Variants in ABCB11 observed in about 807,000 individuals in gnomAD.
The protein encoded by ABCB11 is ATP binding cassette subfamily B member 11.
Under a neutral mutation model 148.0 loss-of-function variants are expected in ABCB11, and 95 were observed. The ratio of observed to expected loss-of-function variants is 0.64; its 90% CI spans 0.54 to 0.76. The LOEUF (loss-of-function observed/expected upper bound fraction) is 0.76, where lower values mean the gene tolerates loss of function less well. ABCB11 is among the 30% of genes least tolerant of loss of function. The pLI is 0.00. For missense variants in ABCB11, 1,523 were observed against 1,617.8 expected, an observed-to-expected ratio of 0.94 and a Z score of 1.01; for synonymous variants, 591 against 555.4, an observed-to-expected ratio of 1.06 and a Z score of -0.90.
intron 1 of ABCB11, 36 bp from the exon 2 acceptor site, chr2:169,018,188 ATCTCT>A: frequency 6.4e-7 from 1 of 1,551,682 alleles, no homozygotes; most frequent in Non-Finnish European, 8.9e-7. Context: ...TGCAATTATT[ATCTCT>A]TCTTTCTTCT....
chr2:168,931,066 C>T (rs150379859), intron 24 of ABCB11, among the ~76,000 whole-genome samples: 18 of 152,234 alleles, frequency 1.2e-4, no homozygotes, highest in African/African-American at 2.6e-4. Context: ...GCTTGGGCAA[C>T]GAAATTAAAG....
At chr2:168,950,732 G>T (rs1692526131) in intron 19 of ABCB11, among the ~76,000 whole-genome samples, 1 of 151,678 alleles carries the variant, frequency 6.6e-6, no homozygotes, top group Non-Finnish European at 1.5e-5. Context: ...TAAGTTGTTT[G>T]TTTACTCTGT....
At position 168,935,214 on chromosome 2, in the gene ABCB11, T is replaced by C. The variant is rs1404420259; in HGVS notation, c.3026A>G (p.Asn1009Ser). 3 of 1,613,906 alleles carry C rather than the reference T, an allele frequency of 1.9e-6. No individual in the cohort carries two copies. The highest frequency in any genetic ancestry group is 1.7e-6 in the Non-Finnish European group (2 of 1,179,876). The part of the protein sequence containing the change: ...SYRYGGYLIS[N>S]EGLHFSYVFR... ...CACATAGCTGAAATGGAGCCCCTCA[T>C]TGGAGATTAAGTAACCTCCATATCT... is the stretch of plus-strand genomic sequence containing the variant. The change falls in exon 23 of 28, where the codon AAT becomes AGT. Residue 1009 changes from asparagine (N) to serine (S), a missense_variant. Coordinates refer to ENST00000650372, the MANE Select transcript of ABCB11 (RefSeq NM_003742.4).
intron 19 of ABCB11, among the ~76,000 whole-genome samples, chr2:168,950,331 C>T (rs562800859): frequency 1.3e-4 from 20 of 151,620 alleles, no homozygotes; most frequent in African/African-American, 4.8e-4. Context: ...AATGGTAGTT[C>T]CATATTTAGT....
chr2:168,956,703 A>G (rs924190010), intron 19 of ABCB11, among the ~76,000 whole-genome samples: 1 of 151,500 alleles, frequency 6.6e-6, no homozygotes, highest in Non-Finnish European at 1.5e-5. Context: ...TAGGCCCTCA[A>G]AATGATGCCT....
At chr2:168,999,112 C>T (rs560886404) in intron 5 of ABCB11, among the ~76,000 whole-genome samples, 30 of 151,952 alleles carry the variant, frequency 2.0e-4, no homozygotes, top group South Asian at 1.0e-3. Context: ...CAAAAACAGA[C>T]CTGAATCTAC....
At chr2:169,028,426 T>C (rs1030497393) in intron 1 of ABCB11, among the ~76,000 whole-genome samples, 2 of 151,858 alleles carry the variant, frequency 1.3e-5, no homozygotes, top group Non-Finnish European at 2.9e-5. Context: ...TAGCATGAGA[T>C]GTTGAAGATG....
At chr2:169,027,288 G>A (rs2106076628) in intron 1 of ABCB11, among the ~76,000 whole-genome samples, 1 of 152,292 alleles carries the variant, frequency 6.6e-6, no homozygotes, top group East Asian at 1.9e-4. Context: ...CTAGTTGGCA[G>A]ACTTTGGACA....
chr2:169,018,961 T>G (rs1465740544), intron 1 of ABCB11, among the ~76,000 whole-genome samples: 2 of 152,104 alleles, frequency 1.3e-5, no homozygotes, highest in Admixed American at 1.3e-4. Flanking sequence ...CCCCTCAGCG[T>G]CTGGATGCTG....
intron 19 of ABCB11, among the ~76,000 whole-genome samples, chr2:168,947,014 G>A (rs1692353274): frequency 6.6e-6 from 1 of 151,752 alleles, no homozygotes; most frequent in Admixed American, 6.6e-5. Flanking sequence ...TTGTTGAAAT[G>A]CAACTCCAAG....
intron 23 of ABCB11, among the ~76,000 whole-genome samples, chr2:168,932,997 T>TACTCGG (rs1691649365): frequency 1.3e-5 from 2 of 150,980 alleles, no homozygotes; most frequent in African/African-American, 4.9e-5. Context: ...TGGTCCCAGC[T>TACTCGG]ACTCGGGAGG....
intron 7 of ABCB11, among the ~76,000 whole-genome samples, chr2:168,994,418 G>A (rs1272088709): frequency 2.0e-5 from 3 of 152,084 alleles, no homozygotes; most frequent in African/African-American, 4.8e-5. Context: ...AGATTCTGGA[G>A]CCAGACTAGG....
chr2:168,949,708 C>G (rs1346748411), intron 19 of ABCB11, among the ~76,000 whole-genome samples: 2 of 151,262 alleles, frequency 1.3e-5, no homozygotes, highest in East Asian at 3.9e-4. Context: ...TTGTATATGC[C>G]CATATGATGG....
At chr2:168,933,656 GA>G (rs1166308023) in intron 23 of ABCB11, among the ~76,000 whole-genome samples, 1 of 152,190 alleles carries the variant, frequency 6.6e-6, no homozygotes, top group African/African-American at 2.4e-5. Flanking sequence ...CTAAGGGAAT[GA>G]AAAGCACTTG....
intron 7 of ABCB11, among the ~76,000 whole-genome samples, chr2:168,994,288 A>G (rs957520410): frequency 6.6e-6 from 1 of 152,074 alleles, no homozygotes; most frequent in Non-Finnish European, 1.5e-5. Flanking sequence ...ATCCCCCAAG[A>G]AGAAGTAACA....
At chr2:169,003,298 T>C (rs1694928619) in intron 5 of ABCB11, among the ~76,000 whole-genome samples, 1 of 151,122 alleles carries the variant, frequency 6.6e-6, no homozygotes, top group Non-Finnish European at 1.5e-5. Context: ...CATTCCTTTT[T>C]ATGGCTGAGT....
At chr2:168,958,198 A>G in intron 18 of ABCB11, 70 bp from the exon 19 acceptor site, 2 of 1,460,166 alleles carry the variant, frequency 1.4e-6, no homozygotes, top group Non-Finnish European at 1.9e-6. Context: ...ATCCTTTGGC[A>G]TTCACAGATT....
At position 168,930,818 on chromosome 2, in the gene ABCB11, T is replaced by C. The variant is rs11568359; in HGVS notation, c.3258A>G (p.Thr1086=). The C allele has an allele frequency of 4.5e-3, 7,310 of 1,611,290 alleles. 268 individuals are homozygous for C. In the African/African-American group the frequency reaches 0.088, roughly 19 times the overall value. The change falls in exon 25 of 28, where the codon ACA becomes ACG. Residue 1086 remains threonine, a synonymous_variant. Transcript: ENST00000650372. ...CTTGCGAGTCAGGTCGAGAAGGATA[T>C]GTAAATTTACAATCAACAAAATCAA... ...GKIDFVDCKF[T]YPSRPDSQVL...
chr2:168,927,006 G>A, intron 26 of ABCB11, 150 bp downstream of exon 26: 1 of 684,974 alleles, frequency 1.5e-6, no homozygotes, highest in South Asian at 1.9e-5. Context: ...TTCCACCTGT[G>A]GAATCATGTT....
Sources: allele counts gnomAD v4.1 joint callset (sites outside exome capture counted in the v4.1 genomes callset), GRCh38; gene constraint gnomAD v4.1.1; transcripts MANE v1.5; gene names NCBI Gene and HGNC (gene_info 2026-07-23, HGNC 2026-07-21).